The following CPNE4 variants were observed in gnomAD, a reference collection of about 807,000 sequenced individuals.
The protein encoded by CPNE4 is copine-4.
CPNE4 carries 25 observed loss-of-function variants against 67.9 expected under a neutral mutation model. The ratio of observed to expected loss-of-function variants is 0.37; its 90% CI spans 0.27 to 0.51. CPNE4 has a LOEUF of 0.51. Ranked by LOEUF, CPNE4 falls within the 20% of genes least tolerant of loss-of-function variation. The pLI, the probability that CPNE4 is intolerant of heterozygous loss-of-function variation, is 0.93. For missense variants in CPNE4, 464 were observed against 690.8 expected, an observed-to-expected ratio of 0.67 and a Z score of 3.68; for synonymous variants, 242 against 244.9, an observed-to-expected ratio of 0.99 and a Z score of 0.11.
intron 7 of CPNE4, among the ~76,000 whole-genome samples, chr3:131,653,395 G>T (rs570419345): frequency 2.0e-5 from 3 of 151,812 alleles, no homozygotes; most frequent in Admixed American, 6.6e-5. Flanking sequence ...TGATCTGCCC[G>T]CCTCGGCCTC....
intron 2 of CPNE4, among the ~76,000 whole-genome samples, chr3:131,754,115 A>G (rs940523934): frequency 2.6e-5 from 4 of 152,136 alleles, no homozygotes; most frequent in African/African-American, 7.2e-5. Flanking sequence ...GAAAGAGTGA[A>G]TATCAGTTGA....
chr3:131,598,849 ACCC>A (rs1037179246), intron 7 of CPNE4, among the ~76,000 whole-genome samples: 1 of 56,184 alleles, frequency 1.8e-5, no homozygotes, highest in African/African-American at 9.2e-5. Flanking sequence ...TTGTCCCCCC[ACCC>A]CCCCGCCAAA....
At chr3:131,975,469 C>T (rs940236557) in intron 1 of CPNE4, among the ~76,000 whole-genome samples, 3 of 152,188 alleles carry the variant, frequency 2.0e-5, no homozygotes, top group African/African-American at 7.2e-5. Context: ...TGCTATCAGC[C>T]TAGGCTTCTA....
chr3:131,947,398 C>T (rs1313298908), intron 1 of CPNE4, among the ~76,000 whole-genome samples: 1 of 152,114 alleles, frequency 6.6e-6, no homozygotes, highest in Non-Finnish European at 1.5e-5. Flanking sequence ...CCTCCCACCC[C>T]CCAATAGGCC....
chr3:131,718,643 G>A (rs944425712), intron 3 of CPNE4, among the ~76,000 whole-genome samples: 1 of 152,212 alleles, frequency 6.6e-6, no homozygotes, highest in African/African-American at 2.4e-5. Flanking sequence ...ACTTTAGGTA[G>A]AGGTCTTTCC....
At chr3:131,703,231 C>T (rs189956307) in intron 3 of CPNE4, among the ~76,000 whole-genome samples, 3 of 152,202 alleles carry the variant, frequency 2.0e-5, no homozygotes, top group African/African-American at 7.2e-5. Context: ...GACTCTCACC[C>T]TGGCTTCAGC....
At chr3:131,997,591 C>T (rs757997927) in intron 1 of CPNE4, among the ~76,000 whole-genome samples, 3 of 152,078 alleles carry the variant, frequency 2.0e-5, no homozygotes, top group Non-Finnish European at 2.9e-5. Context: ...AGTAGGTTCA[C>T]GAATCCATTG....
chr3:131,594,030 C>G (rs1938697253), intron 7 of CPNE4, among the ~76,000 whole-genome samples: 1 of 152,038 alleles, frequency 6.6e-6, no homozygotes, highest in South Asian at 2.1e-4. Flanking sequence ...CCTTCCAGGA[C>G]TATGTTAAAT....
chr3:131,663,253 T>A (rs760278229), intron 7 of CPNE4, among the ~76,000 whole-genome samples: 2 of 146,058 alleles, frequency 1.4e-5, no homozygotes, highest in Non-Finnish European at 3.0e-5. Context: ...TAAGTCGGAG[T>A]GGAAAAATGA....
intron 2 of CPNE4, among the ~76,000 whole-genome samples, chr3:131,821,504 A>G (rs1316837182): frequency 1.3e-5 from 2 of 152,178 alleles, no homozygotes. Flanking sequence ...TATTCATTCA[A>G]GATGAAAGGC....
At chr3:131,595,433 T>G (rs1938785127) in intron 7 of CPNE4, among the ~76,000 whole-genome samples, 1 of 152,238 alleles carries the variant, frequency 6.6e-6, no homozygotes, top group Non-Finnish European at 1.5e-5. Flanking sequence ...GGGACTGTGT[T>G]AGTGTGTTCT....
chr3:131,882,999 G>C lies in CPNE4; in HGVS notation c.180+22265C>G, dbSNP rs138696393. Among the ~76,000 whole-genome samples the C allele has an allele frequency of 2.0e-3, 306 of 152,220 alleles. 1 individual carries two copies. The highest frequency in any genetic ancestry group is 7.2e-3 in the African/African-American group (299 of 41,510). On this transcript the variant is annotated intron_variant, in intron 2 of 15. Coordinates refer to ENST00000429747, the MANE Select transcript of CPNE4 (RefSeq NM_130808.3). ...CCCAAAGTGCTGGGATTACAGGCGT[G>C]AGCCACCATGCCAGGCCAGTTCTGC...
intron 1 of CPNE4, among the ~76,000 whole-genome samples, chr3:131,938,425 A>G (rs1187444029): frequency 9.6e-6 from 1 of 103,974 alleles, no homozygotes; most frequent in African/African-American, 3.2e-5. Context: ...ACAATTAGGG[A>G]GACTTAATAT....
chr3:131,986,867 C>CAA lies in CPNE4; in HGVS notation c.-2+47698_-2+47699dup, dbSNP rs112652096. Among the ~76,000 whole-genome samples, 704 of 134,676 alleles carry CAA rather than the reference C, an allele frequency of 5.2e-3. 4 individuals are homozygous for CAA. Among genetic ancestry groups the CAA allele is most frequent in the African/African-American group, 0.019 (663 of 35,830 alleles). 88.4% of individuals were successfully genotyped at this position (134,676 alleles called of 152,430 possible). A position where few individuals can be genotyped will look rare whatever the true frequency, so the allele number is the denominator to read the frequency against. ...ACAAAAAAAAACAAAAACAAACAAA[C>CAA]AAAAAAAAAAAAACAAAGAACTTAA... On this transcript the variant is annotated intron_variant, in intron 1 of 15. Coordinates refer to ENST00000429747, the MANE Select transcript of CPNE4 (RefSeq NM_130808.3).
chr3:131,794,421 T>C (rs1229965493), intron 2 of CPNE4, among the ~76,000 whole-genome samples: 1 of 152,098 alleles, frequency 6.6e-6, no homozygotes. Context: ...ATTTTTGTAC[T>C]GTTAGTAGAG....
At chr3:131,573,422 T>C (rs2107679683) in intron 10 of CPNE4, among the ~76,000 whole-genome samples, 1 of 152,202 alleles carries the variant, frequency 6.6e-6, no homozygotes, top group East Asian at 1.9e-4. Context: ...GGCACAGGGA[T>C]ATCTGAAAGT....
At chr3:131,720,763 G>A (rs553873088) in intron 3 of CPNE4, among the ~76,000 whole-genome samples, 2 of 152,244 alleles carry the variant, frequency 1.3e-5, no homozygotes, top group African/African-American at 4.8e-5. Flanking sequence ...TTCCCTTGTA[G>A]GCTGCTTATC....
At chr3:131,740,696 T>G (rs1314167469) in intron 2 of CPNE4, among the ~76,000 whole-genome samples, 1 of 152,228 alleles carries the variant, frequency 6.6e-6, no homozygotes, top group Non-Finnish European at 1.5e-5. Flanking sequence ...CTAGTCTCAA[T>G]GCAGAAGCTA....
chr3:131,973,788 A>C (rs924829869), intron 1 of CPNE4, among the ~76,000 whole-genome samples: 2 of 152,212 alleles, frequency 1.3e-5, no homozygotes, highest in African/African-American at 4.8e-5. Context: ...AGGTCAATTT[A>C]ATTTGTTTAT....
Sources: gnomAD v4.1 joint callset for allele counts (sites outside exome capture counted in the v4.1 genomes callset) on GRCh38, gnomAD v4.1.1 for gene constraint, MANE v1.5 for transcripts, NCBI Gene and HGNC (gene_info 2026-07-23, HGNC 2026-07-21) for gene names.